Variants in ANO4 observed in about 807,000 individuals in gnomAD.
The protein encoded by ANO4 is anoctamin 4, also known as anoctamin-4.
In ANO4, 69 loss-of-function variants were observed where a neutral mutation model predicts 141.9. The observed-to-expected ratio is 0.49, with a 90% CI of 0.40 to 0.59. The LOEUF (loss-of-function observed/expected upper bound fraction) is 0.59. Ranked by LOEUF, ANO4 falls within the 20% of genes least tolerant of loss-of-function variation. ANO4 has a pLI of 0.00. For missense variants in ANO4, 894 were observed against 1,162.2 expected (o/e 0.77, Z 3.36); for synonymous variants, 350 against 394.3 (o/e 0.89, Z 1.33).
intron 5 of ANO4, among the ~76,000 whole-genome samples, chr12:100,946,542 TTGTC>T (rs1799133175): frequency 6.6e-6 from 1 of 152,162 alleles, no homozygotes; most frequent in South Asian, 2.1e-4. Flanking sequence ...CACAGACTAT[TTGTC>T]TGACACATGG....
chr12:101,079,594 A>C (rs1021818281), intron 15 of ANO4, among the ~76,000 whole-genome samples: 4 of 152,152 alleles, frequency 2.6e-5, no homozygotes, highest in African/African-American at 9.7e-5. Flanking sequence ...CTTCAGCAGA[A>C]AAAGAGCATT....
chr12:101,066,598 T>C, intron 14 of ANO4: 1 of 500,922 alleles, frequency 2.0e-6, no homozygotes, highest in Non-Finnish European at 3.6e-6. Flanking sequence ...ACGAAAGAAA[T>C]GGAAGAGGCT....
chr12:100,923,883 G>A (rs1210769459), intron 3 of ANO4, among the ~76,000 whole-genome samples: 1 of 152,030 alleles, frequency 6.6e-6, no homozygotes, highest in African/African-American at 2.4e-5. Context: ...TTCTCTGATG[G>A]CCAGTGATGA....
At chr12:101,087,459 G>C (rs2049553636) in intron 17 of ANO4, among the ~76,000 whole-genome samples, 1 of 152,106 alleles carries the variant, frequency 6.6e-6, no homozygotes, top group Non-Finnish European at 1.5e-5. Context: ...GAAAGTGAAG[G>C]CTTCAGTGAG....
At position 101,040,079 on chromosome 12, in the gene ANO4, G is replaced by A; in HGVS notation, c.1019+3G>A. The A allele has an allele frequency of 3.7e-6, 6 of 1,602,504 alleles. No homozygotes were observed. The highest frequency in any genetic ancestry group is 5.1e-6 in the Non-Finnish European group (6 of 1,172,514). On this transcript the variant is annotated splice_donor_region_variant and intron_variant, in intron 11 of 27. Transcript: ENST00000392977. ...TACCAACCTTTGGATCTTGTAAGGT[G>A]AGTTTTTAATCAGCTGCAAATATAA... is the stretch of plus-strand genomic sequence containing the variant.
intron 1 of ANO4, among the ~76,000 whole-genome samples, chr12:100,841,446 CAGCA>C: frequency 6.6e-6 from 1 of 152,124 alleles, no homozygotes; most frequent in Admixed American, 6.6e-5. Context: ...GGTAAGAAGG[CAGCA>C]AATAAATAAG....
chr12:100,957,689 C>T (rs2043225970), intron 5 of ANO4, among the ~76,000 whole-genome samples: 1 of 152,236 alleles, frequency 6.6e-6, no homozygotes, highest in Non-Finnish European at 1.5e-5. Flanking sequence ...CTCCCAGGTT[C>T]AAGCGATTCT....
At chr12:101,015,181 A>T (rs1447274840) in intron 8 of ANO4, among the ~76,000 whole-genome samples, 1 of 152,122 alleles carries the variant, frequency 6.6e-6, no homozygotes, top group East Asian at 1.9e-4. Flanking sequence ...AAAATTTCCT[A>T]AGTATGTACA....
chr12:100,971,855 T>TG (rs563872753), intron 6 of ANO4, among the ~76,000 whole-genome samples: 20 of 148,280 alleles, frequency 1.3e-4, no homozygotes, highest in African/African-American at 4.9e-4. Context: ...ATCTTCTTTT[T>TG]AAAAAAAAAA....
chr12:100,930,839 A>G (rs529676755), intron 3 of ANO4, among the ~76,000 whole-genome samples: 2 of 152,238 alleles, frequency 1.3e-5, no homozygotes, highest in Non-Finnish European at 2.9e-5. Flanking sequence ...TCAATATACA[A>G]AACAGAAACT....
chr12:100,775,539 G>T (rs995678389), intron 3 of ANO4, among the ~76,000 whole-genome samples: 1 of 152,186 alleles, frequency 6.6e-6, no homozygotes. Flanking sequence ...CTTTATAATT[G>T]TGTGACCTTG....
rs528554951 is a variant in ANO4, at chr12:100,837,585, G to A, written c.-141+42558G>A. Among the ~76,000 whole-genome samples the A allele has an allele frequency of 3.3e-3, 496 of 152,038 alleles. 3 individuals are homozygous for A. The highest frequency in any genetic ancestry group is 0.012 in the African/African-American group (482 of 41,482). On this transcript the variant is annotated intron_variant, in intron 1 of 27. Coordinates refer to ENST00000392977, the MANE Select transcript of ANO4 (RefSeq NM_001286615.2). ...GAGCCCAGGAATTTGAGACCAGCCTGGGCAACATAGTGAGACCACTTCTGT... is the reference window on the plus strand; with the variant it reads ...GAGCCCAGGAATTTGAGACCAGCCTAGGCAACATAGTGAGACCACTTCTGT...
chr12:100,919,724 GTGTGTATGTATGTATCTATCTATC>G (rs2041531208), intron 2 of ANO4, among the ~76,000 whole-genome samples: 2 of 120,824 alleles, frequency 1.7e-5, no homozygotes, highest in African/African-American at 6.3e-5. Flanking sequence ...ATGTATGTAT[GTGTGTATGTATGTATCTATCTATC>G]TATCTATCTA....
Position 100,779,427 on chromosome 12 carries a change from A to G in ANO4, c.358+39322A>G, listed in dbSNP as rs369585160. The stretch of plus-strand genomic sequence containing the variant: ...GCAAAGGAACTGTGTAGGTGGAGAC[A>G]ACCTCAGAAGCATGAGATGCAGCTT... On this transcript the variant is annotated intron_variant, in intron 3 of 29. Coordinates refer to the ANO4 transcript ENST00000644049. Among the ~76,000 whole-genome samples, 35 of 152,346 alleles carry G rather than the reference A, an allele frequency of 2.3e-4. No homozygotes were observed. The East Asian group carries it at 4.2e-3, about 18-fold the overall frequency.
chr12:100,964,503 A>G (rs2043565788), intron 5 of ANO4, among the ~76,000 whole-genome samples: 1 of 152,094 alleles, frequency 6.6e-6, no homozygotes, highest in Non-Finnish European at 1.5e-5. Flanking sequence ...TGAGTTTCCA[A>G]TTAGAAATTA....
intron 1 of ANO4, chr12:100,717,567 G>T: frequency 2.5e-6 from 1 of 400,048 alleles, no homozygotes; most frequent in Non-Finnish European, 4.4e-6. Flanking sequence ...GCCGTCGCGG[G>T]TTCCTGGGGC....
At chr12:101,061,687 T>C (rs1241311799) in intron 14 of ANO4, among the ~76,000 whole-genome samples, 2 of 151,934 alleles carry the variant, frequency 1.3e-5, no homozygotes, top group Non-Finnish European at 2.9e-5. Context: ...TATTGATACT[T>C]GTATATGCTT....
chr12:100,948,813 T>C (rs1468223224), intron 5 of ANO4, among the ~76,000 whole-genome samples: 1 of 152,210 alleles, frequency 6.6e-6, no homozygotes, highest in Non-Finnish European at 1.5e-5. Flanking sequence ...CTGTGGCTTA[T>C]ATTTAACCAA....
chr12:101,084,943 C>G (rs936450145), intron 16 of ANO4, among the ~76,000 whole-genome samples: 4 of 152,122 alleles, frequency 2.6e-5, no homozygotes, highest in Non-Finnish European at 5.9e-5. Context: ...GCTGTCCATC[C>G]TACCTCATTG....
Sources: gnomAD v4.1 joint callset for allele counts (sites outside exome capture counted in the v4.1 genomes callset) on GRCh38, gnomAD v4.1.1 for gene constraint, MANE v1.5 for transcripts, NCBI Gene and HGNC (gene_info 2026-07-23, HGNC 2026-07-21) for gene names.